TEK: variants seen among roughly 807,000 people sequenced by gnomAD.
TEK encodes the protein TEK receptor tyrosine kinase.
TEK carries 43 observed loss-of-function variants against 131.8 expected under a neutral mutation model. That is an observed-to-expected ratio of 0.33 (90% CI 0.26 to 0.42). The LOEUF (loss-of-function observed/expected upper bound fraction) is 0.42. Among genes scored for constraint, TEK ranks in the 10% least tolerant of loss-of-function variants. TEK has a pLI of 1.00. For synonymous variants in TEK, 580 were observed against 491.6 expected (o/e 1.18, Z -2.38); for missense variants, 1,162 against 1,384.4 (o/e 0.84, Z 2.55).
At position 27,217,385 on chromosome 9, in the gene TEK, G is replaced by T. The variant is rs10967774; in HGVS notation, c.2992-303G>T. On this transcript the variant is annotated intron_variant, in intron 18 of 22. Coordinates refer to ENST00000380036, the MANE Select transcript of TEK (RefSeq NM_000459.5). The stretch of plus-strand genomic sequence containing the variant: ...AAATTCTCACTCAGTGTCTATGCCT[G>T]TCTCCCCTTTCAAGCCTCGGAGTGC... Among the ~76,000 whole-genome samples, 57,495 of 152,004 alleles carry T rather than the reference G, an allele frequency of 0.38. 11,797 individuals are homozygous for T. The highest frequency in any genetic ancestry group is 0.61 in the East Asian group (3,150 of 5,164).
chr9:27,163,020 A>G (rs1823600330), intron 2 of TEK, among the ~76,000 whole-genome samples: 1 of 152,146 alleles, frequency 6.6e-6, no homozygotes, highest in Non-Finnish European at 1.5e-5. Context: ...AGCCACCACA[A>G]TTATTCTTGA....
In TEK at chr9:27,197,399, C is replaced by T. The variant is rs771377363; in HGVS notation, c.1709C>T (p.Ser570Leu). 7.4e-6 allele frequency: 12 copies of T among 1,613,978 alleles called. No homozygotes were observed. The highest frequency in any genetic ancestry group is 5.5e-5 in the South Asian group (5 of 91,076). Residue 570 changes from serine (S) to leucine (L), a missense_variant, in exon 12 of 23, where the codon TCG (serine) becomes TTG (leucine). Ser to Leu is a moderately radical substitution (Grantham distance 145). This residue lies in a region of TEK where 477 missense variants were observed against 471.0 expected (regional missense o/e 1.01). Coordinates refer to ENST00000380036, the MANE Select transcript of TEK (RefSeq NM_000459.5). ...NLTWQPIFPS[S>L]EDDFYVEVER... ...ACCTGGCAACCAATATTTCCAAGCT[C>T]GGAAGATGACTTTTATGTTGAAGTG...
At position 27,178,217 on chromosome 9, in the gene TEK, T is replaced by C. The variant is rs1824240293; in HGVS notation, c.902-2023T>C. Reference sequence around the variant, plus strand: ...TTCCCAGGACTATTTATTGAAGAGATTATCCTTTCCCTGTTGTGTGTTCTT... The same window carrying C: ...TTCCCAGGACTATTTATTGAAGAGACTATCCTTTCCCTGTTGTGTGTTCTT... On this transcript the variant is annotated intron_variant, in intron 6 of 22. Coordinates refer to ENST00000380036, the MANE Select transcript of TEK (RefSeq NM_000459.5). Among the ~76,000 whole-genome samples the C allele has an allele frequency of 2.0e-5, 3 of 152,190 alleles. No individual in the cohort carries two copies. In the South Asian group the frequency reaches 6.2e-4, roughly 32 times the overall value.
chr9:27,217,970 C>T (rs1825880493), intron 19 of TEK, among the ~76,000 whole-genome samples: 1 of 152,120 alleles, frequency 6.6e-6, no homozygotes, highest in Non-Finnish European at 1.5e-5. Flanking sequence ...GGGTTTCCCT[C>T]TGCATACTGA....
Position 27,173,179 on chromosome 9 carries a change from T to C in TEK, c.761-43T>C, listed in dbSNP as rs367708463. The C allele has an allele frequency of 2.6e-5, 42 of 1,611,474 alleles. No individual in the cohort carries two copies. In the African/African-American group the frequency reaches 4.7e-4, roughly 18 times the overall value. On this transcript the variant is annotated intron_variant, in intron 5 of 22. Coordinates refer to ENST00000380036, the MANE Select transcript of TEK (RefSeq NM_000459.5). ...CTAAAGAATTATGTATTTCAAGGGG[T>C]TGCATATTTGACTCTGAATCATCTT...
intron 1 of TEK, among the ~76,000 whole-genome samples, chr9:27,120,700 C>T (rs1821752698): frequency 6.6e-6 from 1 of 152,198 alleles, no homozygotes; most frequent in South Asian, 2.1e-4. Context: ...GACCTAAGAA[C>T]CTAGCAGGTT....
intron 21 of TEK, among the ~76,000 whole-genome samples, chr9:27,225,121 T>C (rs10812539): frequency 0.35 from 53,608 of 152,004 alleles, 9,697 homozygotes; most frequent in African/African-American, 0.41. Context: ...CACAAACAAA[T>C]GGAAAAACAT....
At chr9:27,184,765 C>T (rs772748009) in intron 8 of TEK, among the ~76,000 whole-genome samples, 23 of 152,024 alleles carry the variant, frequency 1.5e-4, no homozygotes, top group East Asian at 3.9e-4. Context: ...AGGCCAGATA[C>T]GGTGACTCAT....
intron 1 of TEK, among the ~76,000 whole-genome samples, chr9:27,138,091 C>T (rs1479940852): frequency 1.3e-5 from 2 of 152,194 alleles, no homozygotes; most frequent in Non-Finnish European, 2.9e-5. Flanking sequence ...TTCGTGGTCT[C>T]ACTGACCTCA....
At chr9:27,156,127 A>T (rs996328741) in intron 1 of TEK, among the ~76,000 whole-genome samples, 4 of 152,082 alleles carry the variant, frequency 2.6e-5, no homozygotes, top group Non-Finnish European at 1.5e-5. Context: ...TAACCTTATT[A>T]TTCTAGAATT....
intron 14 of TEK, among the ~76,000 whole-genome samples, chr9:27,205,299 C>A (rs1223145116): frequency 2.0e-5 from 3 of 152,140 alleles, no homozygotes; most frequent in Non-Finnish European, 4.4e-5. Flanking sequence ...GTAAATTATG[C>A]AGGAAACTAG....
chr9:27,227,172 C>A (rs973670901), intron 21 of TEK, among the ~76,000 whole-genome samples: 1 of 152,126 alleles, frequency 6.6e-6, no homozygotes, highest in Non-Finnish European at 1.5e-5. Context: ...CATAAGGTTC[C>A]CCAGAGTCAT....
intron 1 of TEK, among the ~76,000 whole-genome samples, chr9:27,136,082 G>GTTAT (rs1554689010): frequency 5.0e-5 from 5 of 99,196 alleles, no homozygotes; most frequent in African/African-American, 1.9e-4. Flanking sequence ...TCCCAGGGCA[G>GTTAT]TTATTTTTTT....
intron 15 of TEK, among the ~76,000 whole-genome samples, chr9:27,208,252 T>A (rs967503842): frequency 3.3e-5 from 5 of 152,180 alleles, no homozygotes; most frequent in African/African-American, 1.2e-4. Context: ...TGAGTACCAT[T>A]ATTCCCTCAT....
At chr9:27,144,038 C>T (rs959645760) in intron 1 of TEK, among the ~76,000 whole-genome samples, 7 of 152,174 alleles carry the variant, frequency 4.6e-5, no homozygotes, top group Non-Finnish European at 1.0e-4. Context: ...AATCCCAGCA[C>T]TTTGGGAGGC....
intron 15 of TEK, among the ~76,000 whole-genome samples, chr9:27,208,632 T>A (rs960034740): frequency 1.1e-4 from 17 of 152,242 alleles, no homozygotes; most frequent in African/African-American, 4.1e-4. Flanking sequence ...CAAAGAGGCA[T>A]GCATTATTGG....
intron 21 of TEK, among the ~76,000 whole-genome samples, chr9:27,223,664 AG>A (rs1826183419): frequency 6.6e-6 from 1 of 152,224 alleles, no homozygotes; most frequent in African/African-American, 2.4e-5. Flanking sequence ...AGGAGAAAGC[AG>A]GAAAGATCTA....
At chr9:27,131,380 G>A (rs1442044122) in intron 1 of TEK, among the ~76,000 whole-genome samples, 4 of 151,344 alleles carry the variant, frequency 2.6e-5, no homozygotes, top group Non-Finnish European at 5.9e-5. Flanking sequence ...TTGGGAGGCT[G>A]AGGAGGTTGG....
intron 6 of TEK, 98 bp downstream of exon 6, chr9:27,173,460 G>T (rs768538880): frequency 3.7e-5 from 55 of 1,470,796 alleles, no homozygotes; most frequent in Non-Finnish European, 5.0e-5. Flanking sequence ...TACCTGGACT[G>T]CTTAGCTACC....
Sources: gnomAD v4.1 joint callset for allele counts (sites outside exome capture counted in the v4.1 genomes callset) on GRCh38, gnomAD v4.1.1 for gene constraint, gnomAD v4.1.1 regional missense constraint, MANE v1.5 for transcripts, NCBI Gene and HGNC (gene_info 2026-07-23, HGNC 2026-07-21) for gene names.